The following SLC10A7 variants were observed in gnomAD, a reference collection of about 807,000 sequenced individuals.
The protein encoded by SLC10A7 is solute carrier family 10 member 7, also known as sodium/bile acid cotransporter 7.
A neutral mutation model predicts 43.2 loss-of-function variants in SLC10A7; 29 were observed. That is an observed-to-expected ratio of 0.67 (90% CI 0.50 to 0.92). The LOEUF (loss-of-function observed/expected upper bound fraction) is 0.92, where lower values mean the gene tolerates loss of function less well. Among genes scored for constraint, SLC10A7 ranks in the 40% least tolerant of loss-of-function variants. The pLI is 0.00. For missense variants in SLC10A7, 295 were observed against 403.2 expected (o/e 0.73, Z 2.30); for synonymous variants, 152 against 144.8 (o/e 1.05, Z -0.35).
At chr4:146,399,067 G>A (rs2356820) in intron 5 of SLC10A7, among the ~76,000 whole-genome samples, 80,695 of 152,040 alleles carry the variant, frequency 0.53, 22,177 homozygotes, top group East Asian at 0.78. Context: ...GCACTAGGGC[G>A]GTATTCAGGG....
chr4:146,512,464 C>T (rs748832901), intron 2 of SLC10A7, among the ~76,000 whole-genome samples: 17 of 152,068 alleles, frequency 1.1e-4, no homozygotes, highest in African/African-American at 3.1e-4. Flanking sequence ...GTTATCTATT[C>T]GAGCAAAATC....
chr4:146,513,940 A>T (rs1737715137), intron 2 of SLC10A7: 1 of 152,216 alleles, frequency 6.6e-6, no homozygotes, highest in South Asian at 2.1e-4. Context: ...TAATAAGGTC[A>T]AAATCCATTA....
At chr4:146,384,769 G>T (rs1447213186) in intron 5 of SLC10A7, among the ~76,000 whole-genome samples, 1 of 151,978 alleles carries the variant, frequency 6.6e-6, no homozygotes, top group Non-Finnish European at 1.5e-5. Context: ...TGGGCCTACT[G>T]GGAGGTGCCT....
chr4:146,493,191 A>G (rs1735605561), intron 4 of SLC10A7, among the ~76,000 whole-genome samples: 1 of 152,250 alleles, frequency 6.6e-6, no homozygotes, highest in Non-Finnish European at 1.5e-5. Context: ...GTATAACAAG[A>G]TGCAAAAATA....
At chr4:146,301,778 A>G (rs1323375648) in intron 7 of SLC10A7, among the ~76,000 whole-genome samples, 1 of 152,108 alleles carries the variant, frequency 6.6e-6, no homozygotes, top group Admixed American at 6.6e-5. Context: ...AGATGTGGAG[A>G]CAGGGTGGTG....
intron 6 of SLC10A7, among the ~76,000 whole-genome samples, chr4:146,314,901 C>T (rs1732224652): frequency 6.6e-6 from 1 of 152,056 alleles, no homozygotes; most frequent in Non-Finnish European, 1.5e-5. Context: ...CAACACCATC[C>T]AATATATGGT....
chr4:146,490,875 C>T (rs995795707), intron 4 of SLC10A7, among the ~76,000 whole-genome samples: 1 of 152,170 alleles, frequency 6.6e-6, no homozygotes. Flanking sequence ...CAGGAGGAAA[C>T]TGGATCATTC....
intron 11 of SLC10A7, among the ~76,000 whole-genome samples, chr4:146,257,538 G>T (rs1727958072): frequency 6.6e-6 from 1 of 152,128 alleles, no homozygotes; most frequent in South Asian, 2.1e-4. Context: ...TATGGTCTCA[G>T]GCCAGCTGCT....
chr4:146,433,286 C>T (rs1385698776), intron 5 of SLC10A7, among the ~76,000 whole-genome samples: 4 of 150,568 alleles, frequency 2.7e-5, no homozygotes, highest in African/African-American at 4.9e-5. Context: ...CTCAGCCTCC[C>T]GAGTAGCTGG....
chr4:146,266,839 T>G (rs1485082635), intron 10 of SLC10A7, among the ~76,000 whole-genome samples: 1 of 152,186 alleles, frequency 6.6e-6, no homozygotes, highest in African/African-American at 2.4e-5. Context: ...CAAGTTATTA[T>G]TTAACCTGTT....
intron 10 of SLC10A7, among the ~76,000 whole-genome samples, chr4:146,260,751 T>C (rs960326736): frequency 6.6e-6 from 1 of 152,192 alleles, no homozygotes; most frequent in Admixed American, 6.5e-5. Context: ...CCAGATGCCA[T>C]GGGCACTGCA....
chr4:146,370,080 G>A (rs904746549), intron 5 of SLC10A7, among the ~76,000 whole-genome samples: 8 of 152,064 alleles, frequency 5.3e-5, no homozygotes, highest in Non-Finnish European at 7.4e-5. Context: ...TAAAGTCAGA[G>A]GGCATGATAG....
At chr4:146,511,848 A>G (rs1737501797) in intron 2 of SLC10A7, among the ~76,000 whole-genome samples, 1 of 152,166 alleles carries the variant, frequency 6.6e-6, no homozygotes, top group Non-Finnish European at 1.5e-5. Flanking sequence ...CTTGAAGCCA[A>G]ATCTCATTTA....
chr4:146,345,964 A>C (rs1284436289), intron 5 of SLC10A7, among the ~76,000 whole-genome samples: 2 of 152,094 alleles, frequency 1.3e-5, no homozygotes, highest in Non-Finnish European at 2.9e-5. Context: ...GAAGAAACCA[A>C]TGCACACAGA....
intron 6 of SLC10A7, among the ~76,000 whole-genome samples, chr4:146,318,282 T>C (rs1732463305): frequency 6.6e-6 from 1 of 152,086 alleles, no homozygotes; most frequent in Non-Finnish European, 1.5e-5. Context: ...CCAATCAGGC[T>C]TTGAACTACA....
rs76901514 is a variant in SLC10A7 at position 146,288,067 on chromosome 4, T to G, written c.774-4802A>C. On this transcript the variant is annotated intron_variant, in intron 9 of 11. Coordinates refer to ENST00000335472, the MANE Select transcript of SLC10A7 (RefSeq NM_001029998.6). ...AAGGAGGCTAAAGCTAGGGCCACAC[T>G]GGGAGATTTCTGGCTCATTGCTCTC... is the stretch of plus-strand genomic sequence containing the variant. Among the ~76,000 whole-genome samples, 28 of 152,326 alleles carry G rather than the reference T, an allele frequency of 1.8e-4. No individual in the cohort carries two copies. In the East Asian group the frequency reaches 5.0e-3, roughly 27 times the overall value.
At chr4:146,351,364 A>T (rs997457859) in intron 5 of SLC10A7, among the ~76,000 whole-genome samples, 1 of 152,142 alleles carries the variant, frequency 6.6e-6, no homozygotes, top group Admixed American at 6.5e-5. Context: ...CAAAGCCTCC[A>T]AGAAATATGG....
At chr4:146,362,690 G>C (rs1439272128) in intron 5 of SLC10A7, among the ~76,000 whole-genome samples, 2 of 149,162 alleles carry the variant, frequency 1.3e-5, no homozygotes, top group Non-Finnish European at 3.0e-5. Flanking sequence ...ATAAGATATA[G>C]AGACAACAAA....
intron 4 of SLC10A7, among the ~76,000 whole-genome samples, chr4:146,479,160 A>G (rs926300684): frequency 6.6e-6 from 1 of 152,176 alleles, no homozygotes; most frequent in Admixed American, 6.5e-5. Flanking sequence ...TATGATATTT[A>G]TATTGTTTTA....
Sources: gnomAD v4.1 joint callset for allele counts (sites outside exome capture counted in the v4.1 genomes callset) on GRCh38, gnomAD v4.1.1 for gene constraint, MANE v1.5 for transcripts, NCBI Gene and HGNC (gene_info 2026-07-23, HGNC 2026-07-21) for gene names.